The following NCAPG2 variants were observed in gnomAD, a reference collection of about 807,000 sequenced individuals.
NCAPG2 encodes the protein condensin-2 complex subunit G2.
In NCAPG2, 53 loss-of-function variants were observed where a neutral mutation model predicts 141.1. The observed-to-expected ratio is 0.38, with a 90% CI of 0.30 to 0.47. NCAPG2 has a LOEUF of 0.47. NCAPG2 is among the 20% of genes least tolerant of loss of function. The pLI, the probability that NCAPG2 is intolerant of heterozygous loss-of-function variation, is 0.99. For synonymous variants in NCAPG2, 499 were observed against 490.7 expected, an observed-to-expected ratio of 1.02 and a Z score of -0.22; for missense variants, 1,087 against 1,389.0, an observed-to-expected ratio of 0.78 and a Z score of 3.46.
chr7:158,647,868 A>G (rs964093017), intron 24 of NCAPG2, among the ~76,000 whole-genome samples: 17 of 152,096 alleles, frequency 1.1e-4, no homozygotes, highest in Non-Finnish European at 2.1e-4. Context: ...ATTTTTTAAT[A>G]GAGGCAGGGT....
intron 13 of NCAPG2, chr7:158,665,131 C>T (rs1471320999): frequency 2.7e-5 from 5 of 183,832 alleles, no homozygotes; most frequent in South Asian, 9.8e-5. Flanking sequence ...ATATATACAA[C>T]GTTTTTGACG....
chr7:158,697,678 A>G (rs909041563), intron 2 of NCAPG2, among the ~76,000 whole-genome samples: 19 of 152,196 alleles, frequency 1.2e-4, no homozygotes, highest in African/African-American at 3.4e-4. Context: ...TAGCAAAGAC[A>G]TGGAATAAAC....
In NCAPG2 at chr7:158,693,476, T is replaced by A. The variant is rs1278727468; in HGVS notation, c.100A>T (p.Ser34Cys). 1 of 1,613,506 alleles carries A rather than the reference T, an allele frequency of 6.2e-7. No homozygotes were observed. Among genetic ancestry groups the A allele is most frequent in the Non-Finnish European group, 8.5e-7 (1 of 1,179,682 alleles). Residue 34 changes from serine (S) to cysteine (C), a missense_variant, in exon 3 of 28, where the codon AGC becomes TGC. Physicochemically the swap from Ser to Cys is moderately radical, Grantham distance 112. Transcript: ENST00000356309. ...AATTCATCTAGTAATTCATTTAGGCTGAAAGGATCAGAGGCCTCTTTCTGT... is the reference window on the plus strand; with the variant it reads ...AATTCATCTAGTAATTCATTTAGGCAGAAAGGATCAGAGGCCTCTTTCTGT... ...QLDKEASDPFSLNELLDELSR... is the reference protein window; with the variant it reads ...QLDKEASDPFCLNELLDELSR...
intron 11 of NCAPG2, among the ~76,000 whole-genome samples, chr7:158,677,784 C>T (rs1306492149): frequency 6.6e-6 from 1 of 152,124 alleles, no homozygotes; most frequent in South Asian, 2.1e-4. Flanking sequence ...CTGTTTCTGT[C>T]GCATCCCTTC....
chr7:158,702,801 A>G (rs1835893668), intron 1 of NCAPG2, among the ~76,000 whole-genome samples: 1 of 152,212 alleles, frequency 6.6e-6, no homozygotes, highest in South Asian at 2.1e-4. Flanking sequence ...CAAAGCAAAA[A>G]TAACCTCAGT....
rs1413593134 is a variant in NCAPG2 at position 158,664,751 on chromosome 7, CTG to C, written c.1480-3_1480-2del. 2 of 1,612,452 alleles carry C rather than the reference CTG, an allele frequency of 1.2e-6. No homozygotes were observed. The highest frequency in any genetic ancestry group is 1.7e-5 in the Admixed American group (1 of 59,830). ...GCTCCATGGGACATATTTTCCAAAACTGTGCAAAAAGCACATATGCAGAAGGA... is the reference window on the plus strand; with the variant it reads ...GCTCCATGGGACATATTTTCCAAAACTGCAAAAAGCACATATGCAGAAGGA... On this transcript the variant is annotated splice_acceptor_variant and splice_polypyrimidine_tract_variant and intron_variant, in intron 13 of 27. Transcript: ENST00000356309. LOFTEE classifies it high-confidence loss of function.
Position 158,692,881 on chromosome 7 carries a change from T to C in NCAPG2, c.343A>G (p.Asn115Asp). Residue 115 changes from asparagine to aspartate, a missense_variant, in exon 4 of 28, where the codon AAC (asparagine) becomes GAC (aspartate). Asn to Asp is a conservative substitution (Grantham distance 23). Coordinates refer to ENST00000356309, the MANE Select transcript of NCAPG2 (RefSeq NM_017760.7). ...ACACATTCCAGTAGGGCTTCGTAGT[T>C]CTCACTTTCATTTATTACAGACACA... Reference protein sequence around the residue: ...ASVSVINESENYEALLECVII... With the variant: ...ASVSVINESEDYEALLECVII... The C allele has an allele frequency of 6.3e-7, 1 of 1,591,994 alleles. No individual in the cohort carries two copies. Among genetic ancestry groups the C allele is most frequent in the South Asian group, 1.1e-5 (1 of 88,814 alleles).
rs745772420 is a variant in NCAPG2 at position 158,650,823 on chromosome 7, G to C, written c.3075+9C>G. On this transcript the variant is annotated intron_variant, in intron 24 of 27. Coordinates refer to ENST00000356309, the MANE Select transcript of NCAPG2 (RefSeq NM_017760.7). ...GAGGCACAGCAGTTTCAGGATTAAAGCACTTCACCTTCCGTAGCTGGTGAC... is the reference window on the plus strand; with the variant it reads ...GAGGCACAGCAGTTTCAGGATTAAACCACTTCACCTTCCGTAGCTGGTGAC... 1 of 1,607,834 alleles carries C rather than the reference G, an allele frequency of 6.2e-7. No individual in the cohort carries two copies. Among genetic ancestry groups the C allele is most frequent in the Non-Finnish European group, 8.5e-7 (1 of 1,178,028 alleles).
intron 2 of NCAPG2, among the ~76,000 whole-genome samples, chr7:158,700,968 TAGC>T (rs1835742797): frequency 6.6e-6 from 1 of 152,202 alleles, no homozygotes; most frequent in Non-Finnish European, 1.5e-5. Context: ...AACCTGTCTC[TAGC>T]TCAGCCCTTT....
At chr7:158,654,536 G>A (rs1041919692) in intron 22 of NCAPG2, 59 bp downstream of exon 22, 2 of 1,479,578 alleles carry the variant, frequency 1.4e-6, no homozygotes, top group South Asian at 1.2e-5. Context: ...CAGTAAAGGA[G>A]GGAGGGAGGG....
intron 2 of NCAPG2, among the ~76,000 whole-genome samples, chr7:158,700,962 T>A (rs1031028198): frequency 6.6e-6 from 1 of 152,192 alleles, no homozygotes; most frequent in Non-Finnish European, 1.5e-5. Flanking sequence ...ATGCCCAACC[T>A]GTCTCTAGCT....
chr7:158,684,695 T>C (rs1289279642), intron 8 of NCAPG2, among the ~76,000 whole-genome samples: 2 of 152,238 alleles, frequency 1.3e-5, no homozygotes, highest in Non-Finnish European at 1.5e-5. Context: ...CAATTTTGTA[T>C]ACATCTAGTC....
At chr7:158,643,163 C>T in intron 27 of NCAPG2, among the ~76,000 whole-genome samples, 1 of 152,122 alleles carries the variant, frequency 6.6e-6, no homozygotes, top group Non-Finnish European at 1.5e-5. Flanking sequence ...AGGATTTCAC[C>T]ATGTTGGCCA....
intron 6 of NCAPG2, among the ~76,000 whole-genome samples, 198 bp downstream of exon 6, chr7:158,689,621 C>G (rs1834999349): frequency 6.6e-6 from 1 of 152,172 alleles, no homozygotes; most frequent in African/African-American, 2.4e-5. Context: ...CTGTTACCAT[C>G]CAATTTAATG....
rs1343820270 is a variant in NCAPG2, at chr7:158,675,660, T to C, written c.1147-4A>G. On this transcript the variant is annotated splice_region_variant and splice_polypyrimidine_tract_variant and intron_variant, in intron 11 of 27. Coordinates refer to ENST00000356309, the MANE Select transcript of NCAPG2 (RefSeq NM_017760.7). The stretch of plus-strand genomic sequence containing the variant: ...GGTAAGGATCTTCTAAAAGGCTCTA[T>C]AAGTAGGAGGGGAGAAAGGCTTAAA... 1 of 1,606,248 alleles carries C rather than the reference T, an allele frequency of 6.2e-7. No individual in the cohort carries two copies. The highest frequency in any genetic ancestry group is 1.3e-5 in the African/African-American group (1 of 74,474).
intron 2 of NCAPG2, among the ~76,000 whole-genome samples, chr7:158,699,382 A>C (rs1193567704): frequency 6.6e-6 from 1 of 152,218 alleles, no homozygotes; most frequent in African/African-American, 2.4e-5. Context: ...TCAATACATC[A>C]AGGAACAATT....
intron 13 of NCAPG2, chr7:158,667,046 G>C (rs1833017008): frequency 4.8e-6 from 4 of 827,392 alleles, no homozygotes; most frequent in African/African-American, 1.9e-5. Context: ...TCCAACAGCT[G>C]TCCTCTGGCC....
intron 27 of NCAPG2, among the ~76,000 whole-genome samples, chr7:158,638,899 C>T (rs1196652991): frequency 6.6e-6 from 1 of 152,172 alleles, no homozygotes; most frequent in Non-Finnish European, 1.5e-5. Flanking sequence ...CAGAGCCAGT[C>T]TCAGACGTAC....
chr7:158,667,402 G>T (rs1211580774), intron 13 of NCAPG2, among the ~76,000 whole-genome samples: 7 of 21,590 alleles, frequency 3.2e-4, no homozygotes, highest in Non-Finnish European at 4.3e-4. Flanking sequence ...GGGTCCCTCC[G>T]CCCTCCTTAC....
Sources: gnomAD v4.1 joint callset for allele counts (sites outside exome capture counted in the v4.1 genomes callset) on GRCh38, gnomAD v4.1.1 for gene constraint, MANE v1.5 for transcripts, NCBI Gene and HGNC (gene_info 2026-07-23, HGNC 2026-07-21) for gene names.